Variants in RFTN2 observed in about 807,000 individuals in gnomAD.
The protein encoded by RFTN2 is raftlin family member 2, also known as raftlin-2.
RFTN2 carries 34 observed loss-of-function variants against 52.7 expected under a neutral mutation model. That is an observed-to-expected ratio of 0.64 (90% confidence interval 0.49 to 0.86). The LOEUF (loss-of-function observed/expected upper bound fraction) is 0.86, where lower values mean the gene tolerates loss of function less well. Among genes scored for constraint, RFTN2 ranks in the 40% least tolerant of loss-of-function variants. The probability of loss-of-function intolerance (pLI) is 0.00; values close to 1 mark genes in which losing one functional copy is unlikely to be tolerated. For missense variants in RFTN2, 536 were observed against 600.1 expected (o/e 0.89, Z 1.12); for synonymous variants, 203 against 217.7 (o/e 0.93, Z 0.59).
At position 197,644,251 on chromosome 2, in the gene RFTN2, G is replaced by A. The variant is rs1231913138; in HGVS notation, c.345C>T (p.Pro115=). The change falls in exon 3 of 9, where the codon CCC becomes CCT. Residue 115 remains proline, a synonymous_variant. Transcript: ENST00000295049. ...CGAGCCTTGGGCGTCTTTGTCCACTGGGTGCTGCCGAATTCTTTGGGCTGT... is the reference window on the plus strand; with the variant it reads ...CGAGCCTTGGGCGTCTTTGTCCACTAGGTGCTGCCGAATTCTTTGGGCTGT... ...LKLSPKNSAA[P]SGQRRPRLVI... 3 of 1,608,156 alleles carry A rather than the reference G, an allele frequency of 1.9e-6. No homozygotes were observed. Among genetic ancestry groups the A allele is most frequent in the Non-Finnish European group, 2.6e-6 (3 of 1,174,612 alleles).
intron 3 of RFTN2, among the ~76,000 whole-genome samples, chr2:197,636,223 C>T (rs981778252): frequency 6.6e-5 from 10 of 150,880 alleles, no homozygotes; most frequent in African/African-American, 2.4e-4. Context: ...GCGACGCGGG[C>T]TCTTTTTTGG....
chr2:197,576,380 A>T (rs1337718291), intron 8 of RFTN2, among the ~76,000 whole-genome samples: 1 of 152,202 alleles, frequency 6.6e-6, no homozygotes, highest in Non-Finnish European at 1.5e-5. Context: ...GAATATGATC[A>T]TATCCTCCTA....
At chr2:197,577,648 C>T (rs373150758) in intron 8 of RFTN2, among the ~76,000 whole-genome samples, 1 of 152,178 alleles carries the variant, frequency 6.6e-6, no homozygotes, top group Non-Finnish European at 1.5e-5. Flanking sequence ...TGGCCAGTGG[C>T]TATCTTTCCC....
At chr2:197,637,027 TATGCTGGA>T (rs1162819451) in intron 3 of RFTN2, among the ~76,000 whole-genome samples, 1 of 151,924 alleles carries the variant, frequency 6.6e-6, no homozygotes, top group African/African-American at 2.4e-5. Flanking sequence ...GCTCTGTTTA[TATGCTGGA>T]TTACATTTAT....
At chr2:197,637,346 T>A (rs2088585189) in intron 3 of RFTN2, among the ~76,000 whole-genome samples, 1 of 152,204 alleles carries the variant, frequency 6.6e-6, no homozygotes, top group Non-Finnish European at 1.5e-5. Context: ...TCTGGTAGAA[T>A]TCGGCTGTGA....
At chr2:197,588,228 A>G (rs1177018208) in intron 8 of RFTN2, among the ~76,000 whole-genome samples, 1 of 152,174 alleles carries the variant, frequency 6.6e-6, no homozygotes, top group Non-Finnish European at 1.5e-5. Flanking sequence ...CTCTACATAT[A>G]TATGTTTGCA....
intron 6 of RFTN2, among the ~76,000 whole-genome samples, chr2:197,617,402 A>C (rs2088162811): frequency 6.6e-6 from 1 of 152,240 alleles, no homozygotes. Context: ...TGAGATTCTA[A>C]ACACTAAACA....
Position 197,646,617 on chromosome 2 carries a change from T to G in RFTN2, c.189A>C (p.Val63=), listed in dbSNP as rs1187322456. ...TAAGATAATAGTTTTCCACTTTTGT[T>G]ACTATATCCAGAATTGAATTTATCT... The part of the protein sequence containing the change: ...VIKINSILDI[V]TKVENYYLKG... The change falls in exon 2 of 9, where the codon GTA becomes GTC. Residue 63 remains valine (V), a synonymous_variant. Coordinates refer to ENST00000295049, the MANE Select transcript of RFTN2 (RefSeq NM_144629.3). The G allele has an allele frequency of 1.9e-6, 3 of 1,613,190 alleles. No individual in the cohort carries two copies. The East Asian group carries it at 6.7e-5, about 36-fold the overall frequency.
intron 5 of RFTN2, among the ~76,000 whole-genome samples, chr2:197,619,614 G>A (rs2088223495): frequency 2.0e-5 from 3 of 148,620 alleles, no homozygotes; most frequent in Admixed American, 1.3e-4. Flanking sequence ...GCGGAAGGCC[G>A]CAGGGTCCTC....
At chr2:197,575,798 ATATT>A (rs1280305033) in intron 8 of RFTN2, among the ~76,000 whole-genome samples, 1 of 138,612 alleles carries the variant, frequency 7.2e-6, no homozygotes, top group African/African-American at 2.6e-5. Flanking sequence ...TATATTATAT[ATATT>A]TTATATACAT....
At chr2:197,674,865 TCA>T (rs1674428577) in intron 1 of RFTN2, among the ~76,000 whole-genome samples, 1 of 151,972 alleles carries the variant, frequency 6.6e-6, no homozygotes, top group Non-Finnish European at 1.5e-5. Context: ...ACTACCATAA[TCA>T]CAGAGTCTAA....
intron 5 of RFTN2, among the ~76,000 whole-genome samples, chr2:197,626,430 G>C (rs143396499): frequency 3.2e-4 from 49 of 152,026 alleles, no homozygotes; most frequent in African/African-American, 1.1e-3. Context: ...GCTGGGTGTG[G>C]TGGCGTGCAT....
chr2:197,604,397 A>G (rs2087926618), intron 7 of RFTN2, among the ~76,000 whole-genome samples: 1 of 152,248 alleles, frequency 6.6e-6, no homozygotes, highest in South Asian at 2.1e-4. Flanking sequence ...GAATGAATAA[A>G]TAAACTGCTG....
At position 197,675,305 on chromosome 2, in the gene RFTN2, A is replaced by G; in HGVS notation, c.139+15T>C. On this transcript the variant is annotated intron_variant, in intron 1 of 8. Transcript: ENST00000295049. ...CTCTGAAACATTTAACAAACAAAATAGAAGCAAAAAGTACCTTGTAGAGTA... is the reference window on the plus strand; with the variant it reads ...CTCTGAAACATTTAACAAACAAAATGGAAGCAAAAAGTACCTTGTAGAGTA... 1 of 1,571,286 alleles carries G rather than the reference A, an allele frequency of 6.4e-7. No individual in the cohort carries two copies. Among genetic ancestry groups the G allele is most frequent in the Non-Finnish European group, 8.6e-7 (1 of 1,161,200 alleles).
chr2:197,633,980 T>C lies in RFTN2; in HGVS notation c.456A>G (p.Lys152=). 1 of 1,611,546 alleles carries C rather than the reference T, an allele frequency of 6.2e-7. No homozygotes were observed. The highest frequency in any genetic ancestry group is 8.5e-7 in the Non-Finnish European group (1 of 1,178,568). The change falls in exon 4 of 9, where the codon AAA becomes AAG. Residue 152 remains lysine, a synonymous_variant. Coordinates refer to ENST00000295049, the MANE Select transcript of RFTN2 (RefSeq NM_144629.3). The part of the protein sequence containing the change: ...ELIEKINVAA[K]RGMKFVGFIS... ...TGAATCCAACAAATTTCATTCCTCT[T>C]TTAGCAGCGACATTAATCTGATATT...
intron 1 of RFTN2, among the ~76,000 whole-genome samples, chr2:197,670,915 C>G (rs1005189963): frequency 2.6e-5 from 4 of 152,160 alleles, no homozygotes; most frequent in Non-Finnish European, 5.9e-5. Context: ...TTCTTTCTGT[C>G]CCTTCAAATC....
intron 6 of RFTN2, 66 bp from the exon 7 acceptor site, chr2:197,616,045 A>C: frequency 2.2e-6 from 2 of 914,218 alleles, no homozygotes; most frequent in South Asian, 1.5e-5. Flanking sequence ...AATTACAACA[A>C]AGGGTGATGC....
chr2:197,590,248 CTA>C (rs1176281628), intron 8 of RFTN2, among the ~76,000 whole-genome samples: 2 of 152,202 alleles, frequency 1.3e-5, no homozygotes, highest in African/African-American at 4.8e-5. Context: ...AGATTTTCTC[CTA>C]TGTTTTTTCC....
chr2:197,663,350 CTT>C (rs2106268924), intron 1 of RFTN2, among the ~76,000 whole-genome samples: 1 of 152,226 alleles, frequency 6.6e-6, no homozygotes, highest in South Asian at 2.1e-4. Context: ...AGAATTCTCT[CTT>C]CTTCAAGTTT....
Sources: gnomAD v4.1 joint callset for allele counts (sites outside exome capture counted in the v4.1 genomes callset) on GRCh38, gnomAD v4.1.1 for gene constraint, MANE v1.5 for transcripts, NCBI Gene and HGNC (gene_info 2026-07-23, HGNC 2026-07-21) for gene names.